The following CCDC144A variants were observed in gnomAD, a reference collection of about 807,000 sequenced individuals.
CCDC144A encodes coiled-coil domain containing 144A.
CCDC144A carries 41 observed loss-of-function variants against 143.8 expected under a neutral mutation model. The observed-to-expected ratio is 0.29, with a 90% confidence interval of 0.22 to 0.37. The LOEUF (loss-of-function observed/expected upper bound fraction) is 0.37, where lower values mean the gene tolerates loss of function less well. Ranked by LOEUF, CCDC144A falls within the 10% of genes least tolerant of loss-of-function variation. The pLI is 1.00. For missense variants in CCDC144A, 637 were observed against 1,488.8 expected, an observed-to-expected ratio of 0.43 and a Z score of 9.41; for synonymous variants, 242 against 517.9, an observed-to-expected ratio of 0.47 and a Z score of 7.23.
intron 9 of CCDC144A, among the ~76,000 whole-genome samples, chr17:16,730,121 G>A (rs1262580399): frequency 1.5e-5 from 2 of 129,584 alleles, no homozygotes; most frequent in African/African-American, 6.1e-5. Flanking sequence ...TTACAGATGT[G>A]AGCCACATGT....
intron 4 of CCDC144A, among the ~76,000 whole-genome samples, chr17:16,708,529 A>G (rs1912186131): frequency 6.6e-6 from 1 of 152,196 alleles, no homozygotes; most frequent in Admixed American, 6.5e-5. Context: ...AACAGTGACA[A>G]AGTTAAGTTT....
intron 2 of CCDC144A, among the ~76,000 whole-genome samples, chr17:16,693,641 A>C (rs544117205): frequency 2.6e-4 from 40 of 152,296 alleles, no homozygotes; most frequent in African/African-American, 9.6e-4. Context: ...TGAGTTAGTA[A>C]GTTGTATGTT....
At chr17:16,771,483 C>T (rs931097864) in intron 15 of CCDC144A, among the ~76,000 whole-genome samples, 20 of 152,346 alleles carry the variant, frequency 1.3e-4, no homozygotes, top group African/African-American at 4.8e-4. Flanking sequence ...CTGCTTTCTT[C>T]AAGTATGTAT....
Position 16,773,276 on chromosome 17 carries a change from C to T in CCDC144A, c.4142-221C>T, listed in dbSNP as rs1915892327. On this transcript the variant is annotated intron_variant, in intron 16 of 16. Transcript: ENST00000399273. ...GCAGCCTGTGCCAACATGACGAAAC[C>T]CTGCCCCTATAAAAAATACAAAAGC... Among the ~76,000 whole-genome samples the T allele has an allele frequency of 2.0e-5, 3 of 151,754 alleles. No homozygotes were observed. In the South Asian group the frequency reaches 6.2e-4, roughly 32 times the overall value.
the CCDC144A span, among the ~76,000 whole-genome samples, chr17:16,668,305 AT>A: frequency 6.6e-6 from 1 of 152,138 alleles, no homozygotes; most frequent in Admixed American, 6.5e-5. Context: ...ATTTTAATGT[AT>A]TTTTTAATTA....
chr17:16,729,867 A>ATATAT (rs199888380), intron 9 of CCDC144A, among the ~76,000 whole-genome samples: 1 of 141,224 alleles, frequency 7.1e-6, no homozygotes, highest in African/African-American at 2.7e-5. Flanking sequence ...AAAAAAAAAA[A>ATATAT]ATATATATAT....
intron 11 of CCDC144A, among the ~76,000 whole-genome samples, chr17:16,734,046 G>A (rs1913879595): frequency 6.6e-6 from 1 of 151,816 alleles, no homozygotes; most frequent in African/African-American, 2.4e-5. Context: ...AGGCTGAAGT[G>A]GGAGGATCAC....
At chr17:16,680,244 C>G in the CCDC144A span, among the ~76,000 whole-genome samples, 2 of 151,924 alleles carry the variant, frequency 1.3e-5, no homozygotes, top group Non-Finnish European at 2.9e-5. Flanking sequence ...GCCTGGGCAA[C>G]ATGGTGAACC....
intron 2 of CCDC144A, among the ~76,000 whole-genome samples, chr17:16,693,429 C>T (rs1277564383): frequency 1.3e-5 from 2 of 151,792 alleles, no homozygotes; most frequent in Non-Finnish European, 2.9e-5. Flanking sequence ...CATTCTCTTG[C>T]CTCAGCCTGC....
chr17:16,746,023 C>G lies in CCDC144A; in HGVS notation c.3372+10380C>G. On this transcript the variant is annotated intron_variant, in intron 12 of 16. Coordinates refer to ENST00000399273, the MANE Select transcript of CCDC144A (RefSeq NM_001382000.1). ...TCTTGTTCTTGAGATCTCTCCACATCCCTGTGCTCTTTATCACTGCCGCTG... is the reference window on the plus strand; with the variant it reads ...TCTTGTTCTTGAGATCTCTCCACATGCCTGTGCTCTTTATCACTGCCGCTG... The G allele has an allele frequency of 3.7e-6, 6 of 1,611,932 alleles. 1 individual carries two copies. The highest frequency in any genetic ancestry group is 3.3e-5 in the Admixed American group (2 of 59,872).
chr17:16,729,487 C>T (rs1356719528), intron 9 of CCDC144A, among the ~76,000 whole-genome samples: 1 of 152,074 alleles, frequency 6.6e-6, no homozygotes, highest in African/African-American at 2.4e-5. Context: ...GCATAGTTTG[C>T]AAATATTTTC....
chr17:16,712,207 A>C, intron 6 of CCDC144A: 1 of 191,644 alleles, frequency 5.2e-6, no homozygotes, highest in South Asian at 1.1e-4. Flanking sequence ...AATTTGGGCT[A>C]ATATTCATGA....
At chr17:16,761,891 A>T (rs1276024919) in intron 13 of CCDC144A, among the ~76,000 whole-genome samples, 173 bp downstream of exon 13, 1 of 152,262 alleles carries the variant, frequency 6.6e-6, no homozygotes, top group Non-Finnish European at 1.5e-5. Context: ...CATCATTCTT[A>T]TAAGTAAATT....
intron 12 of CCDC144A, among the ~76,000 whole-genome samples, chr17:16,755,245 G>A (rs1159034418): frequency 6.6e-6 from 1 of 152,106 alleles, no homozygotes; most frequent in Non-Finnish European, 1.5e-5. Context: ...TTTTATGAGA[G>A]GTGAGGACTT....
intron 6 of CCDC144A, among the ~76,000 whole-genome samples, chr17:16,715,880 G>C (rs542014594): frequency 6.6e-6 from 1 of 152,210 alleles, no homozygotes; most frequent in South Asian, 2.1e-4. Context: ...ATTGGAGCGA[G>C]TTTGTGTTTA....
the CCDC144A span, among the ~76,000 whole-genome samples, chr17:16,680,062 G>A: frequency 4.6e-5 from 7 of 152,082 alleles, no homozygotes; most frequent in African/African-American, 1.7e-4. Context: ...TTTATATGGT[G>A]TTAACATGTC....
chr17:16,770,556 A>G (rs1485513928), intron 15 of CCDC144A, among the ~76,000 whole-genome samples: 1 of 151,938 alleles, frequency 6.6e-6, no homozygotes, highest in Non-Finnish European at 1.5e-5. Flanking sequence ...CTACCTTGTA[A>G]CTAATTGGTT....
In CCDC144A at chr17:16,704,228, G is replaced by A. The variant is rs1250029619; in HGVS notation, c.416-923G>A. ...CCAGCACTTTGGGAGGCCAAGGCAG[G>A]CGGATCATGAGGTCAGGAGATTGAG... On this transcript the variant is annotated intron_variant, in intron 2 of 16. Coordinates refer to ENST00000399273, the MANE Select transcript of CCDC144A (RefSeq NM_001382000.1). 2.6e-5 allele frequency among the ~76,000 whole-genome samples: 4 copies of A among 152,190 alleles called. No individual in the cohort carries two copies. In the East Asian group the frequency reaches 7.7e-4, roughly 29 times the overall value.
At chr17:16,771,263 A>T (rs1157756951) in intron 15 of CCDC144A, among the ~76,000 whole-genome samples, 2 of 152,260 alleles carry the variant, frequency 1.3e-5, no homozygotes, top group African/African-American at 4.8e-5. Context: ...GCAGTTAAAT[A>T]ACTCTAAATT....
Sources: gnomAD v4.1 joint callset for allele counts (sites outside exome capture counted in the v4.1 genomes callset) on GRCh38, gnomAD v4.1.1 for gene constraint, MANE v1.5 for transcripts, NCBI Gene and HGNC (gene_info 2026-07-23, HGNC 2026-07-21) for gene names.